Variants in MED13 observed in about 807,000 individuals in gnomAD.
MED13 encodes mediator complex subunit 13.
Under a neutral mutation model 225.2 loss-of-function variants are expected in MED13, and 23 were observed. That is an observed-to-expected ratio of 0.10 (90% CI 0.07 to 0.14). The LOEUF is 0.14. Among genes scored for constraint, MED13 ranks in the 10% least tolerant of loss-of-function variants. MED13 has a pLI of 1.00. For missense variants in MED13, 2,197 were observed against 2,594.5 expected, an observed-to-expected ratio of 0.85 and a Z score of 3.33; for synonymous variants, 942 against 889.2, an observed-to-expected ratio of 1.06 and a Z score of -1.06.
intron 9 of MED13, among the ~76,000 whole-genome samples, chr17:62,007,776 A>G (rs1018208991): frequency 6.6e-6 from 1 of 152,004 alleles, no homozygotes; most frequent in Non-Finnish European, 1.5e-5. Context: ...TGAACCCGGG[A>G]GGCGGAACTT....
intron 8 of MED13, among the ~76,000 whole-genome samples, chr17:62,011,566 T>C (rs921264851): frequency 6.6e-6 from 1 of 152,210 alleles, no homozygotes; most frequent in Non-Finnish European, 1.5e-5. Context: ...TTAAAAGGTA[T>C]AACAAGGCTT....
chr17:61,974,446 C>G (rs777910278), intron 16 of MED13, among the ~76,000 whole-genome samples: 1 of 152,018 alleles, frequency 6.6e-6, no homozygotes, highest in African/African-American at 2.4e-5. Flanking sequence ...AAATACCTAT[C>G]AAGTACTATG....
chr17:61,971,953 A>T (rs1377906186), intron 17 of MED13, among the ~76,000 whole-genome samples: 1 of 151,890 alleles, frequency 6.6e-6, no homozygotes, highest in Non-Finnish European at 1.5e-5. Context: ...CCAAATAAAT[A>T]AAATAAAATA....
At chr17:62,035,434 C>A in intron 4 of MED13, 29 bp downstream of exon 4, 1 of 1,539,794 alleles carries the variant, frequency 6.5e-7, no homozygotes, top group South Asian at 1.2e-5. Context: ...AATAAAAGAT[C>A]AAATACCTAA....
chr17:61,949,553 A>C (rs2079879432), intron 28 of MED13, among the ~76,000 whole-genome samples: 1 of 152,132 alleles, frequency 6.6e-6, no homozygotes, highest in African/African-American at 2.4e-5. Context: ...AATCACGATG[A>C]ATCTGAGAGT....
At position 62,020,077 on chromosome 17, in the gene MED13, A is replaced by G. The variant is rs548654291; in HGVS notation, c.1284-8844T>C. On this transcript the variant is annotated intron_variant, in intron 8 of 29. Transcript: ENST00000397786. ...GAACTTCATGCTAGAACACAACCAC[A>G]TTGAGCAATCTTTGTAAAAAAAAGA... Among the ~76,000 whole-genome samples the G allele has an allele frequency of 1.6e-4, 25 of 152,132 alleles. No homozygotes were observed. In the East Asian group the frequency reaches 1.9e-3, roughly 12 times the overall value.
intron 2 of MED13, among the ~76,000 whole-genome samples, chr17:62,053,953 T>C (rs1235931068): frequency 6.6e-6 from 1 of 152,194 alleles, no homozygotes; most frequent in Non-Finnish European, 1.5e-5. Context: ...GGTTTTATAT[T>C]TTCTCCTAAA....
intron 28 of MED13, 32 bp from the exon 29 acceptor site, chr17:61,947,049 C>T (rs777594650): frequency 1.4e-6 from 2 of 1,472,630 alleles, no homozygotes; most frequent in South Asian, 2.3e-5. Flanking sequence ...AATCAGTCAG[C>T]CAAACAGAAA....
At chr17:62,048,300 G>A (rs1252119310) in intron 3 of MED13, among the ~76,000 whole-genome samples, 1 of 148,974 alleles carries the variant, frequency 6.7e-6, no homozygotes, top group Non-Finnish European at 1.5e-5. Flanking sequence ...AGCTACTTGG[G>A]AGGCTGAGGC....
At chr17:62,035,734 A>T in intron 3 of MED13, 126 bp from the exon 4 acceptor site, 1 of 819,432 alleles carries the variant, frequency 1.2e-6, no homozygotes, top group South Asian at 2.0e-5. Flanking sequence ...ACTTCATCAG[A>T]AGAAAAAAAA....
chr17:62,025,811 A>G lies in MED13; in HGVS notation c.1283+3730T>C, dbSNP rs72843786. The stretch of plus-strand genomic sequence containing the variant: ...GTTTTTTTAGCTATTTTAAACTGCT[A>G]AACAATAGCTAAATATATCCTTGTT... On this transcript the variant is annotated intron_variant, in intron 8 of 29. Coordinates refer to ENST00000397786, the MANE Select transcript of MED13 (RefSeq NM_005121.3). Among the ~76,000 whole-genome samples the G allele has an allele frequency of 5.1e-3, 773 of 152,350 alleles. 6 individuals are homozygous for G. The highest frequency in any genetic ancestry group is 8.6e-3 in the Non-Finnish European group (585 of 68,034).
At chr17:62,009,669 A>G (rs1208376168) in intron 9 of MED13, among the ~76,000 whole-genome samples, 1 of 152,204 alleles carries the variant, frequency 6.6e-6, no homozygotes, top group Non-Finnish European at 1.5e-5. Flanking sequence ...CAACTGGGCA[A>G]CAACCCTTAA....
At chr17:61,993,667 C>T (rs575503533) in intron 10 of MED13, among the ~76,000 whole-genome samples, 22 of 152,080 alleles carry the variant, frequency 1.4e-4, no homozygotes, top group Admixed American at 3.9e-4. Flanking sequence ...CGGTGGCTCA[C>T]GCCTGTAATC....
intron 8 of MED13, among the ~76,000 whole-genome samples, chr17:62,015,533 A>C (rs974942963): frequency 6.6e-6 from 1 of 151,948 alleles, no homozygotes; most frequent in African/African-American, 2.4e-5. Flanking sequence ...GGAACCTGTT[A>C]ATTTTTAATT....
intron 8 of MED13, among the ~76,000 whole-genome samples, chr17:62,023,705 G>C (rs1346637201): frequency 3.3e-5 from 5 of 151,548 alleles, no homozygotes; most frequent in African/African-American, 1.2e-4. Flanking sequence ...GAGCGAGCTA[G>C]AGGCCGATTT....
intron 1 of MED13, among the ~76,000 whole-genome samples, chr17:62,064,119 T>C (rs543926998): frequency 3.9e-5 from 6 of 152,370 alleles, no homozygotes; most frequent in South Asian, 4.1e-4. Flanking sequence ...CAGTTTACAC[T>C]TGCCAACTAG....
At chr17:61,951,188 C>T (rs1307833936) in intron 27 of MED13, among the ~76,000 whole-genome samples, 190 bp from the exon 28 acceptor site, 1 of 152,108 alleles carries the variant, frequency 6.6e-6, no homozygotes, top group African/African-American at 2.4e-5. Context: ...ATTAATAGAA[C>T]ATATTTTAAG....
intron 3 of MED13, among the ~76,000 whole-genome samples, chr17:62,051,533 T>C (rs1352682640): frequency 3.3e-5 from 5 of 152,174 alleles, no homozygotes; most frequent in Admixed American, 6.5e-5. Context: ...TTGTTAACAA[T>C]AAAGGTTTAC....
Position 61,950,974 on chromosome 17 carries a change from A to C in MED13, c.6142T>G (p.Ser2048Ala). ...GGTACTTCCTCATGAGGTTCTGTTG[A>C]TAGTAGCCGATCAGTACTCTGACCC... ...GKGQSTDRLL[S>A]TEPHEEVPNI... The change falls in exon 28 of 30, where the codon TCA becomes GCA. Residue 2048 changes from serine (S) to alanine (A), a missense_variant. Around this residue, in one of 12 missense-constraint regions of MED13, gnomAD observed 216 missense variants for 388.9 expected, o/e 0.56. Coordinates refer to ENST00000397786, the MANE Select transcript of MED13 (RefSeq NM_005121.3). 6.2e-7 allele frequency: 1 copy of C among 1,613,558 alleles called. No homozygotes were observed. The highest frequency in any genetic ancestry group is 8.5e-7 in the Non-Finnish European group (1 of 1,179,684).
Sources: allele counts gnomAD v4.1 joint callset (sites outside exome capture counted in the v4.1 genomes callset), GRCh38; gene constraint gnomAD v4.1.1; regional missense constraint gnomAD v4.1.1; transcripts MANE v1.5; gene names NCBI Gene and HGNC (gene_info 2026-07-23, HGNC 2026-07-21).